Variants in SEZ6L observed in about 807,000 individuals in gnomAD.
SEZ6L encodes the protein seizure 6-like protein.
In SEZ6L, 37 loss-of-function variants were observed where a neutral mutation model predicts 106.2. The observed-to-expected ratio is 0.35, with a 90% confidence interval of 0.27 to 0.46. The LOEUF (loss-of-function observed/expected upper bound fraction) is 0.46. Among genes scored for constraint, SEZ6L ranks in the 20% least tolerant of loss-of-function variants. SEZ6L has a pLI of 1.00. For synonymous variants in SEZ6L, 541 were observed against 570.4 expected, an observed-to-expected ratio of 0.95 and a Z score of 0.73; for missense variants, 1,172 against 1,332.8, an observed-to-expected ratio of 0.88 and a Z score of 1.88.
At chr22:26,378,447 C>T (rs1362784977) in intron 16 of SEZ6L, among the ~76,000 whole-genome samples, 1 of 152,200 alleles carries the variant, frequency 6.6e-6, no homozygotes, top group Non-Finnish European at 1.5e-5. Flanking sequence ...CAACCTGACA[C>T]TCTTAATCAT....
At chr22:26,227,405 T>C (rs1432696283) in intron 1 of SEZ6L, among the ~76,000 whole-genome samples, 1 of 152,120 alleles carries the variant, frequency 6.6e-6, no homozygotes, top group Non-Finnish European at 1.5e-5. Context: ...AGTAACATAA[T>C]AGGGCTTTGT....
At chr22:26,316,164 C>T (rs989307207) in intron 9 of SEZ6L, among the ~76,000 whole-genome samples, 6 of 152,178 alleles carry the variant, frequency 3.9e-5, no homozygotes, top group Non-Finnish European at 5.9e-5. Context: ...TCATTCCAAC[C>T]GAACTGTTTG....
intron 1 of SEZ6L, among the ~76,000 whole-genome samples, chr22:26,248,749 G>A (rs12169625): frequency 0.19 from 29,192 of 152,076 alleles, 3,063 homozygotes; most frequent in African/African-American, 0.26. Context: ...GGAAGTTTAG[G>A]TTGACCTTGC....
At chr22:26,225,389 C>T (rs6004961) in intron 1 of SEZ6L, among the ~76,000 whole-genome samples, 45,982 of 151,918 alleles carry the variant, frequency 0.3, 7,437 homozygotes, top group African/African-American at 0.42. Flanking sequence ...TTTTGAGCAG[C>T]GGGATCACTC....
intron 1 of SEZ6L, among the ~76,000 whole-genome samples, chr22:26,200,129 T>C (rs1302458154): frequency 6.6e-6 from 1 of 152,182 alleles, no homozygotes; most frequent in Non-Finnish European, 1.5e-5. Flanking sequence ...CCTCCTTCCT[T>C]CTCCCTGCCT....
chr22:26,184,793 G>A (rs1029243340), intron 1 of SEZ6L, among the ~76,000 whole-genome samples: 1 of 152,158 alleles, frequency 6.6e-6, no homozygotes, highest in Non-Finnish European at 1.5e-5. Context: ...ATTAATCTCT[G>A]ATAGAGGCCA....
chr22:26,172,796 A>G (rs932701687), intron 1 of SEZ6L, among the ~76,000 whole-genome samples: 4 of 152,254 alleles, frequency 2.6e-5, no homozygotes, highest in Non-Finnish European at 5.9e-5. Context: ...ACACGCAGTG[A>G]AAAAGAGAAA....
chr22:26,229,671 ACCAAGG>A (rs1391652005), intron 1 of SEZ6L, among the ~76,000 whole-genome samples: 2 of 152,256 alleles, frequency 1.3e-5, no homozygotes, highest in African/African-American at 2.4e-5. Flanking sequence ...TTTACAAAAC[ACCAAGG>A]CATAGGACTC....
chr22:26,254,919 G>T (rs1024267302), intron 1 of SEZ6L, among the ~76,000 whole-genome samples: 22 of 152,132 alleles, frequency 1.4e-4, no homozygotes, highest in African/African-American at 4.8e-4. Context: ...GCATGAATTT[G>T]AGGGCTGTTT....
chr22:26,360,776 A>G (rs564641831), intron 12 of SEZ6L, among the ~76,000 whole-genome samples: 1 of 152,124 alleles, frequency 6.6e-6, no homozygotes, highest in Non-Finnish European at 1.5e-5. Context: ...TCTGTTCCCC[A>G]TTCGACTGAG....
At chr22:26,273,995 T>C (rs2080456945) in intron 1 of SEZ6L, among the ~76,000 whole-genome samples, 1 of 152,098 alleles carries the variant, frequency 6.6e-6, no homozygotes, top group South Asian at 2.1e-4. Flanking sequence ...AGTCCTGCAA[T>C]TCTCAGCCAT....
intron 14 of SEZ6L, among the ~76,000 whole-genome samples, chr22:26,374,109 A>C (rs1319411612): frequency 6.6e-6 from 1 of 152,018 alleles, no homozygotes; most frequent in Non-Finnish European, 1.5e-5. Flanking sequence ...CCAGCGTTCT[A>C]TGTCACCGCT....
chr22:26,335,121 C>T (rs1259733408), intron 9 of SEZ6L, among the ~76,000 whole-genome samples: 1 of 152,170 alleles, frequency 6.6e-6, no homozygotes, highest in Non-Finnish European at 1.5e-5. Flanking sequence ...TTGGTAAATA[C>T]ATGGATGAGC....
At chr22:26,282,902 T>C (rs1181706625) in intron 1 of SEZ6L, among the ~76,000 whole-genome samples, 4 of 152,140 alleles carry the variant, frequency 2.6e-5, no homozygotes, top group African/African-American at 9.7e-5. Context: ...TGTAAATCTT[T>C]TGGCTGAGCA....
chr22:26,217,541 C>T (rs1198824065), intron 1 of SEZ6L, among the ~76,000 whole-genome samples: 1 of 152,200 alleles, frequency 6.6e-6, no homozygotes, highest in Non-Finnish European at 1.5e-5. Context: ...TCTGTCTCTT[C>T]CTCTGGGGTA....
intron 6 of SEZ6L, among the ~76,000 whole-genome samples, chr22:26,310,376 A>G (rs2081780446): frequency 6.6e-6 from 1 of 152,088 alleles, no homozygotes; most frequent in Admixed American, 6.5e-5. Context: ...TCTCTACTAA[A>G]AGTACAAAAA....
At chr22:26,296,481 G>T (rs1419000045) in intron 3 of SEZ6L, among the ~76,000 whole-genome samples, 2 of 152,202 alleles carry the variant, frequency 1.3e-5, no homozygotes, top group Non-Finnish European at 2.9e-5. Context: ...ATACATTCTG[G>T]TAGAATGCTT....
Position 26,339,718 on chromosome 22 carries a change from A to T in SEZ6L, c.2016-718A>T, listed in dbSNP as rs530083762. On this transcript the variant is annotated intron_variant, in intron 9 of 16. Transcript: ENST00000248933. Reference sequence around the variant, plus strand: ...AAAGATCATTTCACCTTATATAAAAATGCAAGTTGTAATTAGCAAGCTGTC... The same window carrying T: ...AAAGATCATTTCACCTTATATAAAATTGCAAGTTGTAATTAGCAAGCTGTC... Among the ~76,000 whole-genome samples the T allele has an allele frequency of 3.3e-5, 5 of 152,346 alleles. No individual in the cohort carries two copies. In the South Asian group the frequency reaches 1.0e-3, roughly 32 times the overall value.
chr22:26,171,819 C>A (rs996543967), intron 1 of SEZ6L, among the ~76,000 whole-genome samples: 8 of 152,110 alleles, frequency 5.3e-5, no homozygotes, highest in Non-Finnish European at 1.0e-4. Context: ...ATGAGCATTG[C>A]CGAGTCTGAT....
Sources: allele counts gnomAD v4.1 joint callset (sites outside exome capture counted in the v4.1 genomes callset), GRCh38; gene constraint gnomAD v4.1.1; transcripts MANE v1.5; gene names NCBI Gene and HGNC (gene_info 2026-07-23, HGNC 2026-07-21).